The following ADGRD1 variants were observed in gnomAD, a reference collection of about 807,000 sequenced individuals.
ADGRD1 encodes G-protein coupled receptor 133.
ADGRD1 carries 77 observed loss-of-function variants against 113.4 expected under a neutral mutation model. The observed-to-expected ratio is 0.68, with a 90% confidence interval of 0.57 to 0.82. The LOEUF is 0.82. Ranked by LOEUF, ADGRD1 falls within the 40% of genes least tolerant of loss-of-function variation. The probability of loss-of-function intolerance (pLI) is 0.00; values close to 1 mark genes in which losing one functional copy is unlikely to be tolerated. For synonymous variants in ADGRD1, 474 were observed against 475.0 expected, an observed-to-expected ratio of 1.00 and a Z score of 0.03; for missense variants, 1,036 against 1,139.1, an observed-to-expected ratio of 0.91 and a Z score of 1.30.
chr12:131,074,899 G>A (rs1429169664), intron 13 of ADGRD1, among the ~76,000 whole-genome samples: 1 of 152,212 alleles, frequency 6.6e-6, no homozygotes. Flanking sequence ...GGTGGTGGCT[G>A]TTTTCTACAT....
intron 14 of ADGRD1, among the ~76,000 whole-genome samples, chr12:131,079,724 T>C (rs1202208433): frequency 6.6e-6 from 1 of 152,178 alleles, no homozygotes; most frequent in Admixed American, 6.5e-5. Flanking sequence ...TTTTGAAATA[T>C]TCATCAATTT....
intron 12 of ADGRD1, among the ~76,000 whole-genome samples, chr12:131,011,986 C>G (rs974571163): frequency 6.6e-6 from 1 of 152,164 alleles, no homozygotes; most frequent in Non-Finnish European, 1.5e-5. Context: ...TCTGCGGCCT[C>G]GAGCCCACCC....
chr12:130,998,912 G>T (rs1875967979), intron 8 of ADGRD1, among the ~76,000 whole-genome samples: 1 of 152,208 alleles, frequency 6.6e-6, no homozygotes, highest in African/African-American at 2.4e-5. Context: ...TGCTGTGAGT[G>T]TAAGATGCAC....
chr12:131,136,228 G>A, intron 22 of ADGRD1, 65 bp downstream of exon 22: 3 of 1,587,518 alleles, frequency 1.9e-6, no homozygotes, highest in South Asian at 2.3e-5. Flanking sequence ...CTTGCAGGGA[G>A]CTAGGGCTGC....
At position 130,971,967 on chromosome 12, in the gene ADGRD1, C is replaced by T. The variant is rs1316590624; in HGVS notation, c.310+387C>T. On this transcript the variant is annotated intron_variant, in intron 4 of 24. Transcript: ENST00000261654. This position sits in a 1 kb window ranked among gnomAD's most constrained non-coding sequence, Gnocchi z 4.2. Reference sequence around the variant, plus strand: ...GTGATTTCTGGCTCTGGGATGTTGACGGTGAGCGGGCAGGGCATACCCAAG... The same window carrying T: ...GTGATTTCTGGCTCTGGGATGTTGATGGTGAGCGGGCAGGGCATACCCAAG... Among the ~76,000 whole-genome samples the T allele has an allele frequency of 1.3e-5, 2 of 152,152 alleles. No individual in the cohort carries two copies. The highest frequency in any genetic ancestry group is 4.8e-5 in the African/African-American group (2 of 41,426).
intron 18 of ADGRD1, among the ~76,000 whole-genome samples, chr12:131,118,139 C>A (rs772126607): frequency 6.6e-6 from 1 of 152,242 alleles, no homozygotes; most frequent in Admixed American, 6.5e-5. Context: ...GACTCATACA[C>A]TTTGTTGTCT....
chr12:131,088,575 T>G (rs1566098705), intron 15 of ADGRD1, among the ~76,000 whole-genome samples: 1 of 151,464 alleles, frequency 6.6e-6, no homozygotes, highest in East Asian at 2.0e-4. Context: ...GAGGACAGGG[T>G]GGGGACGGAG....
At chr12:131,016,509 G>A (rs1041302428) in intron 13 of ADGRD1, among the ~76,000 whole-genome samples, 3 of 152,248 alleles carry the variant, frequency 2.0e-5, no homozygotes, top group African/African-American at 7.2e-5. Context: ...GCCTATGTTT[G>A]GAAATGTGGC....
At chr12:131,040,558 G>A (rs978532628) in intron 13 of ADGRD1, among the ~76,000 whole-genome samples, 6 of 152,212 alleles carry the variant, frequency 3.9e-5, no homozygotes, top group African/African-American at 1.4e-4. Flanking sequence ...CACCACCGTG[G>A]GCAGCCTGCC....
chr12:131,111,529 A>G (rs2062033324), intron 18 of ADGRD1, among the ~76,000 whole-genome samples: 1 of 152,064 alleles, frequency 6.6e-6, no homozygotes, highest in African/African-American at 2.4e-5. Context: ...TATTCCCATT[A>G]TGAGTAGGTT....
intron 9 of ADGRD1, among the ~76,000 whole-genome samples, chr12:131,001,254 G>C (rs1402103580): frequency 6.6e-6 from 1 of 152,092 alleles, no homozygotes; most frequent in Non-Finnish European, 1.5e-5. Context: ...AGCTAGAAAG[G>C]AGAATGAAAT....
intron 24 of ADGRD1, 64 bp from the exon 25 acceptor site, chr12:131,139,104 A>G (rs1205856459): frequency 2.3e-6 from 3 of 1,301,040 alleles, no homozygotes; most frequent in Non-Finnish European, 2.2e-6. Context: ...CCCCGCACTC[A>G]CTGGGCTTAT....
chr12:131,006,128 A>C, intron 12 of ADGRD1, 81 bp downstream of exon 12: 2 of 1,113,618 alleles, frequency 1.8e-6, no homozygotes. Flanking sequence ...TGCCCGCCCC[A>C]CACGCACAAC....
At chr12:131,115,553 C>T (rs1009388100) in intron 18 of ADGRD1, among the ~76,000 whole-genome samples, 22 of 93,538 alleles carry the variant, frequency 2.4e-4, no homozygotes, top group Non-Finnish European at 1.8e-4. Context: ...CGGTTAATCT[C>T]TCATAACCCA....
intron 18 of ADGRD1, 99 bp from the exon 19 acceptor site, chr12:131,118,286 G>A (rs1232298097): frequency 3.7e-6 from 3 of 806,380 alleles, no homozygotes; most frequent in Non-Finnish European, 6.3e-6. Context: ...CATGTATGAG[G>A]TGTACAAGGA....
chr12:130,967,419 T>A (rs1412852580), intron 3 of ADGRD1: 1 of 164,256 alleles, frequency 6.1e-6, no homozygotes, highest in East Asian at 1.6e-4. Flanking sequence ...TGTATGACAG[T>A]TTTCCATTTT....
At chr12:131,061,024 G>A (rs946611651) in intron 13 of ADGRD1, among the ~76,000 whole-genome samples, 1 of 152,084 alleles carries the variant, frequency 6.6e-6, no homozygotes. Context: ...CCCTGTGAAT[G>A]AGCTCAGGAT....
At chr12:131,004,381 C>A (rs1005350134) in intron 11 of ADGRD1, 85 bp downstream of exon 11, 1 of 1,035,814 alleles carries the variant, frequency 9.7e-7, no homozygotes, top group Non-Finnish European at 1.5e-6. Context: ...GGGTGCCCAC[C>A]GCGCCAGGGA....
intron 15 of ADGRD1, among the ~76,000 whole-genome samples, chr12:131,093,688 G>T (rs957012630): frequency 6.6e-6 from 1 of 152,222 alleles, no homozygotes; most frequent in Non-Finnish European, 1.5e-5. Context: ...CCTCCACGGG[G>T]TCTCTGTGTG....
Sources: allele counts gnomAD v4.1 joint callset (sites outside exome capture counted in the v4.1 genomes callset), GRCh38; gene constraint gnomAD v4.1.1; non-coding constraint Gnocchi (gnomAD v3.1); transcripts MANE v1.5; gene names NCBI Gene and HGNC (gene_info 2026-07-23, HGNC 2026-07-21).